The following ZNF804B variants were observed in gnomAD, a reference collection of about 807,000 sequenced individuals.
ZNF804B encodes the protein zinc finger 804B.
A neutral mutation model predicts 101.4 loss-of-function variants in ZNF804B; 80 were observed. The ratio of observed to expected loss-of-function variants is 0.79; its 90% CI spans 0.66 to 0.95. The LOEUF is 0.95. ZNF804B is among the 40% of genes least tolerant of loss of function. The pLI is 0.00. For synonymous variants in ZNF804B, 622 were observed against 558.8 expected (o/e 1.11, Z -1.59); for missense variants, 1,673 against 1,561.9 (o/e 1.07, Z -1.20).
Position 88,854,476 on chromosome 7 carries a change from T to TTTCTTTCTTTCTTTCTTTCTCTTTG in ZNF804B, c.108+94392_108+94393insTTCTTTCTTTCTTTCTTTCTCTTTG, listed in dbSNP as rs1554340148. The stretch of plus-strand genomic sequence containing the variant: ...CTTTCTTTCTTTCTTTCTTTCTTTC[T>TTTCTTTCTTTCTTTCTTTCTCTTTG]CTTTCCTTTCCTTTCCTTTCCTTTC... On this transcript the variant is annotated intron_variant, in intron 1 of 3. Coordinates refer to ENST00000333190, the MANE Select transcript of ZNF804B (RefSeq NM_181646.5). Among the ~76,000 whole-genome samples, 3 of 48,762 alleles carry TTTCTTTCTTTCTTTCTTTCTCTTTG rather than the reference T, an allele frequency of 6.2e-5. No homozygotes were observed. The East Asian group carries it at 1.7e-3, about 28-fold the overall frequency. The allele number at this position is 48,762 out of a possible 152,430, so 32.0% of individuals were successfully genotyped here. A position where few individuals can be genotyped will look rare whatever the true frequency, so the allele number is the denominator to read the frequency against.
chr7:88,897,928 T>C (rs1792314316), intron 1 of ZNF804B, among the ~76,000 whole-genome samples: 2 of 152,098 alleles, frequency 1.3e-5, no homozygotes, highest in South Asian at 2.1e-4. Context: ...ACCTGCATTA[T>C]TGTCAAAACA....
chr7:89,152,375 G>A (rs1211912410), intron 1 of ZNF804B, among the ~76,000 whole-genome samples: 1 of 151,386 alleles, frequency 6.6e-6, no homozygotes, highest in Non-Finnish European at 1.5e-5. Flanking sequence ...GGAACTAATA[G>A]GTCTTTTTAA....
intron 1 of ZNF804B, among the ~76,000 whole-genome samples, chr7:89,187,230 A>C (rs754991657): frequency 1.3e-5 from 2 of 152,106 alleles, no homozygotes; most frequent in Non-Finnish European, 2.9e-5. Flanking sequence ...TGACCCCCTC[A>C]GTTTCCAAAT....
At chr7:89,149,196 T>C (rs1411836854) in intron 1 of ZNF804B, among the ~76,000 whole-genome samples, 1 of 152,220 alleles carries the variant, frequency 6.6e-6, no homozygotes, top group East Asian at 1.9e-4. Flanking sequence ...ATTCACTGAA[T>C]TCCCTTTCAG....
chr7:89,049,998 TA>T (rs771546783), intron 1 of ZNF804B, among the ~76,000 whole-genome samples: 22 of 152,126 alleles, frequency 1.4e-4, no homozygotes, highest in Non-Finnish European at 2.6e-4. Context: ...GATGGCAGAG[TA>T]AAACTCTGTC....
intron 1 of ZNF804B, among the ~76,000 whole-genome samples, chr7:89,211,237 A>G (rs1405986263): frequency 6.6e-6 from 1 of 152,006 alleles, no homozygotes; most frequent in African/African-American, 2.4e-5. Context: ...TAGATTCTGG[A>G]TATTAGACTT....
intron 1 of ZNF804B, among the ~76,000 whole-genome samples, chr7:88,783,868 C>T (rs955859253): frequency 6.6e-6 from 1 of 152,172 alleles, no homozygotes; most frequent in Admixed American, 6.5e-5. Context: ...GGTTGAAATG[C>T]TTTATCATTT....
At chr7:89,031,185 G>C in intron 1 of ZNF804B, among the ~76,000 whole-genome samples, 1 of 126,082 alleles carries the variant, frequency 7.9e-6, no homozygotes, top group African/African-American at 2.8e-5. Context: ...AAATATATAT[G>C]TGTATATATA....
chr7:89,077,517 G>A (rs1378830558), intron 1 of ZNF804B, among the ~76,000 whole-genome samples: 1 of 152,102 alleles, frequency 6.6e-6, no homozygotes, highest in Non-Finnish European at 1.5e-5. Flanking sequence ...TTATTCTTGA[G>A]TAAGATTTCT....
intron 1 of ZNF804B, among the ~76,000 whole-genome samples, chr7:89,105,688 A>G (rs916284531): frequency 6.6e-6 from 1 of 152,100 alleles, no homozygotes; most frequent in Non-Finnish European, 1.5e-5. Flanking sequence ...CAAGCAACAC[A>G]CACGTGTTGG....
At chr7:89,056,589 A>G (rs149970343) in intron 1 of ZNF804B, among the ~76,000 whole-genome samples, 3 of 152,224 alleles carry the variant, frequency 2.0e-5, no homozygotes, top group African/African-American at 7.2e-5. Flanking sequence ...ATGACACTGA[A>G]ATAGGACTAA....
chr7:89,250,711 A>G (rs1562928220), intron 2 of ZNF804B, among the ~76,000 whole-genome samples: 1 of 152,230 alleles, frequency 6.6e-6, no homozygotes, highest in Non-Finnish European at 1.5e-5. Context: ...TAGCACAGTG[A>G]ATCCAGCAGC....
At chr7:89,060,088 G>T (rs910956949) in intron 1 of ZNF804B, among the ~76,000 whole-genome samples, 1 of 152,130 alleles carries the variant, frequency 6.6e-6, no homozygotes, top group Non-Finnish European at 1.5e-5. Context: ...TGGCTTCCCT[G>T]GTTCTGAGGC....
intron 1 of ZNF804B, among the ~76,000 whole-genome samples, chr7:88,882,800 A>T (rs957260553): frequency 6.6e-6 from 1 of 152,130 alleles, no homozygotes; most frequent in African/African-American, 2.4e-5. Context: ...GGAGCTAAAC[A>T]TTTAGCATTA....
At chr7:88,932,105 C>T (rs1792896393) in intron 1 of ZNF804B, among the ~76,000 whole-genome samples, 1 of 151,580 alleles carries the variant, frequency 6.6e-6, no homozygotes, top group South Asian at 2.1e-4. Flanking sequence ...AATGATTAAA[C>T]TTGAGTGCTT....
intron 1 of ZNF804B, among the ~76,000 whole-genome samples, chr7:88,916,675 C>A (rs1396333606): frequency 6.6e-6 from 1 of 151,966 alleles, no homozygotes; most frequent in African/African-American, 2.4e-5. Flanking sequence ...TTTTCTGTGC[C>A]TTTTGTTTCT....
intron 1 of ZNF804B, among the ~76,000 whole-genome samples, chr7:88,771,251 A>G (rs1205258508): frequency 6.6e-6 from 1 of 152,158 alleles, no homozygotes; most frequent in Non-Finnish European, 1.5e-5. Flanking sequence ...TTTAAATAAA[A>G]TGTGATGTAT....
intron 2 of ZNF804B, among the ~76,000 whole-genome samples, chr7:89,302,529 A>T (rs1790491508): frequency 6.6e-6 from 1 of 151,950 alleles, no homozygotes; most frequent in African/African-American, 2.4e-5. Flanking sequence ...AGAGAGAAAG[A>T]GACAGAAGAA....
At chr7:89,094,088 T>C (rs1789935397) in intron 1 of ZNF804B, among the ~76,000 whole-genome samples, 1 of 152,226 alleles carries the variant, frequency 6.6e-6, no homozygotes, top group African/African-American at 2.4e-5. Flanking sequence ...TATACTATTG[T>C]CAAACATTTG....
Sources: allele counts gnomAD v4.1 joint callset (sites outside exome capture counted in the v4.1 genomes callset), GRCh38; gene constraint gnomAD v4.1.1; transcripts MANE v1.5; gene names NCBI Gene and HGNC (gene_info 2026-07-23, HGNC 2026-07-21).